EXOC4: variants seen among roughly 807,000 people sequenced by gnomAD.
EXOC4 encodes the protein SEC8-like 1.
EXOC4 carries 71 observed loss-of-function variants against 107.2 expected under a neutral mutation model. That is an observed-to-expected ratio of 0.66 (90% CI 0.55 to 0.81). The LOEUF (loss-of-function observed/expected upper bound fraction) is 0.81, where lower values mean the gene tolerates loss of function less well. EXOC4 is among the 30% of genes least tolerant of loss of function. The pLI, the probability that EXOC4 is intolerant of heterozygous loss-of-function variation, is 0.00. For synonymous variants in EXOC4, 456 were observed against 441.2 expected (o/e 1.03, Z -0.42); for missense variants, 1,108 against 1,189.6 (o/e 0.93, Z 1.01).
chr7:133,324,152 C>G (rs1230042306), intron 5 of EXOC4, among the ~76,000 whole-genome samples: 1 of 152,020 alleles, frequency 6.6e-6, no homozygotes, highest in Non-Finnish European at 1.5e-5. Flanking sequence ...TTGGTCTTTT[C>G]AAAAAATCAG....
At chr7:133,822,246 TTATA>T (rs1363342644) in intron 11 of EXOC4, among the ~76,000 whole-genome samples, 1 of 152,192 alleles carries the variant, frequency 6.6e-6, no homozygotes, top group Non-Finnish European at 1.5e-5. Context: ...ATCTCATGCT[TTATA>T]TATCTCCCAG....
chr7:133,908,804 TATTC>T (rs1799625250), intron 12 of EXOC4, among the ~76,000 whole-genome samples: 1 of 152,330 alleles, frequency 6.6e-6, no homozygotes, highest in East Asian at 1.9e-4. Flanking sequence ...ATATTATTGA[TATTC>T]AATAAGAAGA....
intron 7 of EXOC4, among the ~76,000 whole-genome samples, chr7:133,397,689 T>C (rs984413318): frequency 3.3e-5 from 5 of 152,164 alleles, no homozygotes; most frequent in African/African-American, 1.2e-4. Context: ...TTTTCCTCTG[T>C]TCCCTCTGAG....
intron 7 of EXOC4, among the ~76,000 whole-genome samples, chr7:133,408,199 A>T (rs762529129): frequency 6.9e-6 from 1 of 144,900 alleles, no homozygotes; most frequent in Non-Finnish European, 1.5e-5. Flanking sequence ...GGTGATGGTG[A>T]TGATGGAGGT....
chr7:133,755,244 A>AATATATATATAT (rs1795878541), intron 10 of EXOC4, among the ~76,000 whole-genome samples: 1 of 82,324 alleles, frequency 1.2e-5, no homozygotes, highest in African/African-American at 5.8e-5. Context: ...AATATATATA[A>AATATATATATAT]TATATATATT....
At chr7:133,942,441 A>G (rs1800452702) in intron 14 of EXOC4, among the ~76,000 whole-genome samples, 2 of 152,108 alleles carry the variant, frequency 1.3e-5, no homozygotes, top group South Asian at 4.1e-4. Flanking sequence ...AATAAATCTC[A>G]TAGTTTTGGT....
chr7:134,038,138 G>C (rs946716156), intron 17 of EXOC4, among the ~76,000 whole-genome samples: 1 of 152,168 alleles, frequency 6.6e-6, no homozygotes, highest in Non-Finnish European at 1.5e-5. Context: ...CTAAGGAGTC[G>C]CAGTATCGAT....
intron 12 of EXOC4, among the ~76,000 whole-genome samples, chr7:133,904,894 T>TC (rs922839441): frequency 5.3e-5 from 8 of 152,192 alleles, no homozygotes; most frequent in Admixed American, 3.3e-4. Flanking sequence ...TTTATTGCCC[T>TC]CCCCCAGATT....
At position 133,590,196 on chromosome 7, in the gene EXOC4, C is replaced by T. The variant is rs10242836; in HGVS notation, c.1418-39849C>T. 9.9e-4 allele frequency among the ~76,000 whole-genome samples: 150 copies of T among 152,268 alleles called. 1 individual carries two copies. Among genetic ancestry groups the T allele is most frequent in the African/African-American group, 3.3e-3 (137 of 41,554 alleles). Reference sequence around the variant, plus strand: ...CGTTGTGGGCATGCTCAGGCAAGACCTTGTGCAGGTTCCTTTCTCTGCCTC... The same window carrying T: ...CGTTGTGGGCATGCTCAGGCAAGACTTTGTGCAGGTTCCTTTCTCTGCCTC... On this transcript the variant is annotated intron_variant, in intron 9 of 17. Transcript: ENST00000253861.
chr7:133,271,556 C>G (rs1478844963), intron 1 of EXOC4, among the ~76,000 whole-genome samples: 1 of 152,202 alleles, frequency 6.6e-6, no homozygotes, highest in African/African-American at 2.4e-5. Flanking sequence ...GAGATGGTCT[C>G]TCACTCCAGA....
intron 7 of EXOC4, among the ~76,000 whole-genome samples, chr7:133,376,896 T>C (rs1796502792): frequency 1.3e-5 from 2 of 152,202 alleles, no homozygotes. Context: ...TGTAAATTTA[T>C]TGTCTGATAG....
chr7:133,797,272 T>C (rs1314923911), intron 10 of EXOC4, among the ~76,000 whole-genome samples: 3 of 152,180 alleles, frequency 2.0e-5, no homozygotes, highest in Non-Finnish European at 4.4e-5. Context: ...AGATTTATTG[T>C]GAGCATATGT....
chr7:133,604,719 T>TCCTTCC, intron 9 of EXOC4, among the ~76,000 whole-genome samples: 6 of 99,800 alleles, frequency 6.0e-5, no homozygotes, highest in African/African-American at 2.1e-4. Flanking sequence ...TCTTTTTTTT[T>TCCTTCC]TTTTTTTTTT....
chr7:133,621,388 A>AT (rs2151006257), intron 9 of EXOC4, among the ~76,000 whole-genome samples: 1 of 151,734 alleles, frequency 6.6e-6, no homozygotes, highest in Non-Finnish European at 1.5e-5. Context: ...AAAAAATATG[A>AT]TTTTTATTTG....
chr7:133,429,328 T>A (rs1797800492), intron 7 of EXOC4, among the ~76,000 whole-genome samples: 2 of 152,004 alleles, frequency 1.3e-5, no homozygotes, highest in Admixed American at 1.3e-4. Flanking sequence ...TAGCAAATCA[T>A]CTGCTTTCTG....
rs577244445 is a variant in EXOC4 at position 133,654,923 on chromosome 7, G to A, written c.1514+24782G>A. ...GTTTAAACATCTAAATATAGAAAAG[G>A]CAGAGCAAAAATACCATACAAAATG... On this transcript the variant is annotated intron_variant, in intron 10 of 17. Transcript: ENST00000253861. Among the ~76,000 whole-genome samples the A allele has an allele frequency of 1.6e-3, 245 of 152,182 alleles. 1 individual carries two copies. The highest frequency in any genetic ancestry group is 1.4e-3 in the Non-Finnish European group (95 of 68,016).
At chr7:133,260,270 G>GTTTTTTTTTT (rs34596811) in intron 1 of EXOC4, among the ~76,000 whole-genome samples, 3 of 143,154 alleles carry the variant, frequency 2.1e-5, no homozygotes, top group African/African-American at 2.6e-5. Context: ...CCCTTTAACT[G>GTTTTTTTTTT]TTTTTTTTTT....
intron 9 of EXOC4, among the ~76,000 whole-genome samples, chr7:133,522,709 T>A (rs2150911890): frequency 6.6e-6 from 1 of 152,264 alleles, no homozygotes; most frequent in East Asian, 1.9e-4. Context: ...AAATTCTTTG[T>A]TGGAAGAGAG....
At chr7:133,997,194 C>G (rs1229616565) in intron 14 of EXOC4, among the ~76,000 whole-genome samples, 2 of 152,152 alleles carry the variant, frequency 1.3e-5, no homozygotes, top group African/African-American at 4.8e-5. Flanking sequence ...AAGGCCTCTT[C>G]CAACTCTGAG....
Sources: gnomAD v4.1 joint callset for allele counts (sites outside exome capture counted in the v4.1 genomes callset) on GRCh38, gnomAD v4.1.1 for gene constraint, MANE v1.5 for transcripts, NCBI Gene and HGNC (gene_info 2026-07-23, HGNC 2026-07-21) for gene names.